The following CPAMD8 variants were observed in gnomAD, a reference collection of about 807,000 sequenced individuals.
The protein encoded by CPAMD8 is C3 and PZP-like alpha-2-macroglobulin domain-containing protein 8.
CPAMD8 carries 146 observed loss-of-function variants against 224.7 expected under a neutral mutation model. The observed-to-expected ratio is 0.65, with a 90% CI of 0.57 to 0.75. The LOEUF is 0.75. Among genes scored for constraint, CPAMD8 ranks in the 30% least tolerant of loss-of-function variants. CPAMD8 has a pLI of 0.00. For missense variants in CPAMD8, 2,301 were observed against 2,537.5 expected, an observed-to-expected ratio of 0.91 and a Z score of 2.00; for synonymous variants, 966 against 1,044.6, an observed-to-expected ratio of 0.92 and a Z score of 1.45.
At chr19:16,912,047 G>C (rs2052748982) in intron 29 of CPAMD8, among the ~76,000 whole-genome samples, 1 of 152,130 alleles carries the variant, frequency 6.6e-6, no homozygotes, top group South Asian at 2.1e-4. Context: ...TCCCAGAAAG[G>C]ACAGTCTAGT....
At chr19:16,948,628 A>C (rs2054183238) in intron 20 of CPAMD8, among the ~76,000 whole-genome samples, 1 of 151,640 alleles carries the variant, frequency 6.6e-6, no homozygotes, top group South Asian at 2.1e-4. Flanking sequence ...CCAGCTACTC[A>C]GGAGGCTGAG....
At chr19:17,002,127 G>C in intron 9 of CPAMD8, 139 bp downstream of exon 9, 1 of 619,470 alleles carries the variant, frequency 1.6e-6, no homozygotes, top group Non-Finnish European at 3.0e-6. Context: ...CCAGGGAGGA[G>C]GGAACCAGGA....
intron 11 of CPAMD8, among the ~76,000 whole-genome samples, chr19:16,994,160 AT>A (rs2056050414): frequency 6.6e-6 from 1 of 152,208 alleles, no homozygotes; most frequent in Admixed American, 6.5e-5. Context: ...ATATACAAAA[AT>A]AAACTCAAAT....
intron 18 of CPAMD8, among the ~76,000 whole-genome samples, chr19:16,969,188 C>G (rs2054961165): frequency 6.6e-6 from 1 of 152,214 alleles, no homozygotes; most frequent in Admixed American, 6.5e-5. Flanking sequence ...ATTTTCTTCT[C>G]TCTTCCATAT....
At chr19:16,942,750 C>T (rs2053943352) in intron 22 of CPAMD8, among the ~76,000 whole-genome samples, 1 of 152,314 alleles carries the variant, frequency 6.6e-6, no homozygotes, top group South Asian at 2.1e-4. Flanking sequence ...AGTGTTAGCC[C>T]ATCTCGGGCT....
At chr19:16,990,126 T>C (rs887260913) in intron 12 of CPAMD8, among the ~76,000 whole-genome samples, 10 of 151,880 alleles carry the variant, frequency 6.6e-5, no homozygotes, top group Admixed American at 6.6e-5. Flanking sequence ...TAGTGGCGCA[T>C]GCCTGTAATC....
chr19:16,903,904 C>G, intron 32 of CPAMD8, 47 bp from the exon 33 acceptor site: 1 of 1,580,022 alleles, frequency 6.3e-7, no homozygotes, highest in Non-Finnish European at 8.6e-7. Flanking sequence ...ACTGAGTTGG[C>G]CAGTGGTCCC....
At chr19:16,977,815 C>T (rs2055337204) in intron 14 of CPAMD8, among the ~76,000 whole-genome samples, 1 of 152,172 alleles carries the variant, frequency 6.6e-6, no homozygotes, top group Non-Finnish European at 1.5e-5. Context: ...ATGGTCCCTG[C>T]TCCCTGACCA....
chr19:16,920,994 CG>C (rs2053153598), intron 27 of CPAMD8, among the ~76,000 whole-genome samples: 1 of 151,812 alleles, frequency 6.6e-6, no homozygotes, highest in Non-Finnish European at 1.5e-5. Flanking sequence ...CTGGGGTGGG[CG>C]GGGCCTCTGC....
intron 23 of CPAMD8, among the ~76,000 whole-genome samples, chr19:16,933,676 G>C (rs1306505189): frequency 6.6e-6 from 1 of 152,162 alleles, no homozygotes; most frequent in Admixed American, 6.5e-5. Flanking sequence ...AAAGTAAAAA[G>C]ACTAACAATA....
chr19:16,924,623 C>T (rs544608730), intron 26 of CPAMD8, among the ~76,000 whole-genome samples: 1 of 152,236 alleles, frequency 6.6e-6, no homozygotes, highest in African/African-American at 2.4e-5. Context: ...CTCTGTCACC[C>T]TGGCTGGAGT....
chr19:16,946,799 G>C (rs1187776517), intron 21 of CPAMD8, among the ~76,000 whole-genome samples: 1 of 152,028 alleles, frequency 6.6e-6, no homozygotes, highest in Non-Finnish European at 1.5e-5. Flanking sequence ...GTGTGGATTT[G>C]TGTGTGTATG....
rs1032109684 is a variant in CPAMD8, at chr19:16,897,680, C to G, written c.5065+11G>C. 3.2e-5 allele frequency: 47 copies of G among 1,454,042 alleles called. No homozygotes were observed. Among genetic ancestry groups the G allele is most frequent in the Middle Eastern group, 2.4e-4 (1 of 4,132 alleles). 90.1% of individuals were successfully genotyped at this position (1,454,042 alleles called of 1,614,324 possible). A position where few individuals can be genotyped will look rare whatever the true frequency, so the allele number is the denominator to read the frequency against. ...CCGCGGTGGGGGGCGGCAGTGGCTC[C>G]GCGCACTCACCCGGGCCCCGGGCAG... On this transcript the variant is annotated intron_variant, in intron 39 of 41. Transcript: ENST00000443236.
At chr19:17,020,908 C>A (rs578258615) in intron 2 of CPAMD8, among the ~76,000 whole-genome samples, 2 of 152,284 alleles carry the variant, frequency 1.3e-5, no homozygotes, top group African/African-American at 4.8e-5. Flanking sequence ...GACAAGCTAT[C>A]TGCCCAGCAC....
chr19:17,001,468 C>CT (rs2056320455), intron 9 of CPAMD8, among the ~76,000 whole-genome samples: 1 of 143,940 alleles, frequency 6.9e-6, no homozygotes, highest in Admixed American at 7.1e-5. Context: ...GAGGGTCACA[C>CT]CCTGGGGGGT....
chr19:17,018,933 A>T (rs554987850), intron 3 of CPAMD8, among the ~76,000 whole-genome samples: 1 of 146,724 alleles, frequency 6.8e-6, no homozygotes, highest in South Asian at 2.1e-4. Context: ...AAAAAAAACC[A>T]CTGAAACAAT....
chr19:16,906,355 TTTC>T (rs2052486197), intron 30 of CPAMD8, among the ~76,000 whole-genome samples: 1 of 40,192 alleles, frequency 2.5e-5, no homozygotes, highest in Non-Finnish European at 5.4e-5. Flanking sequence ...TCTTTCTTTC[TTTC>T]TTTCTTTCTT....
chr19:16,935,645 C>T (rs1159259765), intron 23 of CPAMD8, among the ~76,000 whole-genome samples: 1 of 152,096 alleles, frequency 6.6e-6, no homozygotes, highest in Non-Finnish European at 1.5e-5. Context: ...AGTCATTCAC[C>T]TGCTGAAGGA....
At chr19:17,023,619 T>C (rs2057011849) in intron 1 of CPAMD8, among the ~76,000 whole-genome samples, 1 of 152,194 alleles carries the variant, frequency 6.6e-6, no homozygotes, top group South Asian at 2.1e-4. Context: ...TCTTGCTCTG[T>C]TGCCCAGGCT....
Sources: gnomAD v4.1 joint callset for allele counts (sites outside exome capture counted in the v4.1 genomes callset) on GRCh38, gnomAD v4.1.1 for gene constraint, MANE v1.5 for transcripts, NCBI Gene and HGNC (gene_info 2026-07-23, HGNC 2026-07-21) for gene names.